MAP3K5: variants seen among roughly 807,000 people sequenced by gnomAD.
MAP3K5 encodes ASK-1.
Under a neutral mutation model 158.7 loss-of-function variants are expected in MAP3K5, and 56 were observed. The observed-to-expected ratio is 0.35, with a 90% CI of 0.28 to 0.44. The LOEUF (loss-of-function observed/expected upper bound fraction) is 0.44. Ranked by LOEUF, MAP3K5 falls within the 20% of genes least tolerant of loss-of-function variation. The pLI is 1.00. For missense variants in MAP3K5, 1,294 were observed against 1,674.8 expected (o/e 0.77, Z 3.97); for synonymous variants, 579 against 601.7 (o/e 0.96, Z 0.55).
At chr6:136,575,113 C>A (rs1680283748) in intron 25 of MAP3K5, among the ~76,000 whole-genome samples, 1 of 151,710 alleles carries the variant, frequency 6.6e-6, no homozygotes, top group Non-Finnish European at 1.5e-5. Context: ...AGTTTATATA[C>A]CTTTGGCACT....
chr6:136,747,820 G>A (rs1218459176), intron 1 of MAP3K5, among the ~76,000 whole-genome samples: 2 of 152,108 alleles, frequency 1.3e-5, no homozygotes, highest in African/African-American at 2.4e-5. Context: ...GAGTAGCAAG[G>A]GTGTAGACTA....
chr6:136,661,950 G>A (rs73777953), intron 8 of MAP3K5, among the ~76,000 whole-genome samples: 3,686 of 152,316 alleles, frequency 0.024, 153 homozygotes, highest in African/African-American at 0.084. Flanking sequence ...ACATGATTGT[G>A]ACACCCAGCC....
intron 2 of MAP3K5, among the ~76,000 whole-genome samples, chr6:136,719,382 C>T (rs369133813): frequency 2.6e-5 from 4 of 152,086 alleles, no homozygotes; most frequent in African/African-American, 9.7e-5. Flanking sequence ...TTAAGGATTG[C>T]TCCAGGTAAA....
chr6:136,616,292 C>T (rs1312165227), intron 15 of MAP3K5, among the ~76,000 whole-genome samples: 1 of 148,430 alleles, frequency 6.7e-6, no homozygotes, highest in Non-Finnish European at 1.5e-5. Flanking sequence ...TGGTTCATAC[C>T]TGCTCCTCTT....
intron 1 of MAP3K5, among the ~76,000 whole-genome samples, chr6:136,768,307 T>C (rs1209674530): frequency 6.6e-6 from 1 of 152,236 alleles, no homozygotes; most frequent in African/African-American, 2.4e-5. Flanking sequence ...AAATCATATA[T>C]TTGATAAGGG....
At position 136,586,032 on chromosome 6, in the gene MAP3K5, T is replaced by C. The variant is rs76289680; in HGVS notation, c.3226-2292A>G. Among the ~76,000 whole-genome samples, 86 of 152,358 alleles carry C rather than the reference T, an allele frequency of 5.6e-4. 3 individuals are homozygous for C. The East Asian group carries it at 0.016, about 28-fold the overall frequency. On this transcript the variant is annotated intron_variant, in intron 23 of 29. Coordinates refer to ENST00000359015, the MANE Select transcript of MAP3K5 (RefSeq NM_005923.4). ...GAAATGCACCATCGAGTTCTTTCTCTTAATATATTTTCATTTGGAAGCTTG... is the reference window on the plus strand; with the variant it reads ...GAAATGCACCATCGAGTTCTTTCTCCTAATATATTTTCATTTGGAAGCTTG...
At chr6:136,583,814 C>A in intron 23 of MAP3K5, 74 bp from the exon 24 acceptor site, 7 of 1,340,632 alleles carry the variant, frequency 5.2e-6, no homozygotes, top group Non-Finnish European at 7.3e-6. Context: ...TATCTCCATA[C>A]CCCCTGCCCC....
chr6:136,694,614 T>C (rs1378000803), intron 6 of MAP3K5, among the ~76,000 whole-genome samples: 1 of 152,204 alleles, frequency 6.6e-6, no homozygotes, highest in African/African-American at 2.4e-5. Context: ...CAGGTTCAAG[T>C]TGGTGAAACG....
chr6:136,566,513 T>C (rs538756276), intron 26 of MAP3K5, among the ~76,000 whole-genome samples: 3 of 152,260 alleles, frequency 2.0e-5, no homozygotes, highest in East Asian at 3.9e-4. Flanking sequence ...CCTTGGACTC[T>C]TGCTTGAGAA....
At chr6:136,767,220 T>C (rs113537933) in intron 1 of MAP3K5, among the ~76,000 whole-genome samples, 180 of 151,816 alleles carry the variant, frequency 1.2e-3, no homozygotes, top group African/African-American at 4.2e-3. Flanking sequence ...AAAGCCAGAG[T>C]CTACTAACAC....
chr6:136,720,302 C>T (rs1051302735), intron 2 of MAP3K5, 148 bp downstream of exon 2: 1 of 616,918 alleles, frequency 1.6e-6, no homozygotes, highest in African/African-American at 1.9e-5. Context: ...TCTCGATAAA[C>T]CTCCCAATTT....
At chr6:136,615,247 G>A (rs1429800788) in intron 15 of MAP3K5, among the ~76,000 whole-genome samples, 2 of 152,156 alleles carry the variant, frequency 1.3e-5, no homozygotes, top group Non-Finnish European at 2.9e-5. Context: ...TAGGAGGTCC[G>A]CTGGGCATGG....
At chr6:136,789,854 A>G (rs939876704) in intron 1 of MAP3K5, among the ~76,000 whole-genome samples, 1 of 151,818 alleles carries the variant, frequency 6.6e-6, no homozygotes, top group Non-Finnish European at 1.5e-5. Flanking sequence ...ATGCCTGGCT[A>G]ATTTTTGTCA....
In MAP3K5 at chr6:136,583,645, G is replaced by A. The variant is rs78692210; in HGVS notation, c.3321C>T (p.Ala1107=). Residue 1107 remains alanine, a synonymous_variant, in exon 24 of 30, where the codon GCC becomes GCT. Coordinates refer to ENST00000359015, the MANE Select transcript of MAP3K5 (RefSeq NM_005923.4). ...CCAGTTTCAGCTTTGACAGTGTGGT[G>A]GCTATGATTTTTCGGTCAGTGGATC... The part of the protein sequence containing the change: ...FVRSTDRKII[A]TTLSKLKLEL... 5.8e-3 allele frequency: 9,291 copies of A among 1,614,148 alleles called. 112 individuals are homozygous for A. The highest frequency in any genetic ancestry group is 0.049 in the East Asian group (2,218 of 44,876).
intron 2 of MAP3K5, among the ~76,000 whole-genome samples, chr6:136,718,339 G>A (rs1025775399): frequency 6.6e-6 from 1 of 152,086 alleles, no homozygotes; most frequent in Non-Finnish European, 1.5e-5. Context: ...AAGTAGCTGG[G>A]ATTACAGGCA....
Position 136,776,009 on chromosome 6 carries a change from C to T in MAP3K5, c.448+15701G>A, listed in dbSNP as rs1304982692. ...TATTTAACATGATAAAAACCTATTT[C>T]GTTAATAAAACCTACACTAAGTGGA... On this transcript the variant is annotated intron_variant, in intron 1 of 29. Coordinates refer to ENST00000359015, the MANE Select transcript of MAP3K5 (RefSeq NM_005923.4). Among the ~76,000 whole-genome samples the T allele has an allele frequency of 3.9e-5, 6 of 152,158 alleles. No individual in the cohort carries two copies. The East Asian group carries it at 7.7e-4, about 19-fold the overall frequency.
chr6:136,709,433 C>T (rs565606327), intron 2 of MAP3K5, among the ~76,000 whole-genome samples: 2 of 152,216 alleles, frequency 1.3e-5, no homozygotes, highest in Admixed American at 6.5e-5. Flanking sequence ...GCCTAAAGGG[C>T]TCTCATAGTC....
At chr6:136,788,821 C>A (rs1324127542) in intron 1 of MAP3K5, among the ~76,000 whole-genome samples, 1 of 152,170 alleles carries the variant, frequency 6.6e-6, no homozygotes, top group Non-Finnish European at 1.5e-5. Flanking sequence ...ATTTGTCCTG[C>A]CACCGTGGAA....
intron 1 of MAP3K5, among the ~76,000 whole-genome samples, chr6:136,785,379 C>T (rs1407304787): frequency 6.6e-6 from 1 of 152,192 alleles, no homozygotes; most frequent in East Asian, 1.9e-4. Context: ...TTTTAACTAG[C>T]ATGTGCTTCC....
Sources: gnomAD v4.1 joint callset for allele counts (sites outside exome capture counted in the v4.1 genomes callset) on GRCh38, gnomAD v4.1.1 for gene constraint, MANE v1.5 for transcripts, NCBI Gene and HGNC (gene_info 2026-07-23, HGNC 2026-07-21) for gene names.